Variants in ENTPD5 observed in about 807,000 individuals in gnomAD.
ENTPD5 encodes the protein nucleoside diphosphate phosphatase ENTPD5.
A neutral mutation model predicts 60.2 loss-of-function variants in ENTPD5; 49 were observed. That is an observed-to-expected ratio of 0.81 (90% CI 0.65 to 1.03). The LOEUF (loss-of-function observed/expected upper bound fraction) is 1.03, where lower values mean the gene tolerates loss of function less well. ENTPD5 is among the 50% of genes least tolerant of loss of function. The pLI, the probability that ENTPD5 is intolerant of heterozygous loss-of-function variation, is 0.00. For synonymous variants in ENTPD5, 187 were observed against 185.4 expected, an observed-to-expected ratio of 1.01 and a Z score of -0.07; for missense variants, 480 against 507.6, an observed-to-expected ratio of 0.95 and a Z score of 0.52.
At chr14:73,994,289 C>T (rs1329433210) in intron 3 of ENTPD5, among the ~76,000 whole-genome samples, 1 of 151,928 alleles carries the variant, frequency 6.6e-6, no homozygotes, top group African/African-American at 2.4e-5. Context: ...CCACACCTGG[C>T]TAATTTTTTG....
At chr14:73,993,127 A>G (rs2140703092) in intron 3 of ENTPD5, among the ~76,000 whole-genome samples, 1 of 152,308 alleles carries the variant, frequency 6.6e-6, no homozygotes, top group African/African-American at 2.4e-5. Context: ...GTTTGAGGTC[A>G]GGAGTTCGAG....
chr14:73,998,251 A>C (rs1033494889), intron 3 of ENTPD5, among the ~76,000 whole-genome samples: 7 of 152,132 alleles, frequency 4.6e-5, no homozygotes, highest in Non-Finnish European at 8.8e-5. Flanking sequence ...GTACAAAGAA[A>C]GCAATTATGT....
downstream of ENTPD5, chr14:73,962,009 A>G: frequency 7.7e-7 from 1 of 1,295,594 alleles, no homozygotes; most frequent in Non-Finnish European, 1.1e-6. Flanking sequence ...GTGCAGTGGC[A>G]CAATTTCCAC....
chr14:73,974,837 T>C (rs574748750), intron 11 of ENTPD5, 87 bp downstream of exon 11: 171 of 1,076,720 alleles, frequency 1.6e-4, no homozygotes, highest in Non-Finnish European at 2.2e-4. Context: ...TTTTCCTTCA[T>C]AGAATGGCTA....
intron 3 of ENTPD5, among the ~76,000 whole-genome samples, chr14:74,003,860 G>A (rs1289140805): frequency 6.6e-6 from 1 of 152,200 alleles, no homozygotes; most frequent in Non-Finnish European, 1.5e-5. Context: ...CACTTGGGAG[G>A]CTAAGGCAGG....
At chr14:74,018,085 G>C (rs897879353) in intron 1 of ENTPD5, among the ~76,000 whole-genome samples, 1 of 151,988 alleles carries the variant, frequency 6.6e-6, no homozygotes, top group Non-Finnish European at 1.5e-5. Context: ...GGGAGGCTGA[G>C]GCAGGAGAAT....
intron 3 of ENTPD5, among the ~76,000 whole-genome samples, chr14:73,999,700 G>A (rs2058447154): frequency 6.6e-6 from 1 of 152,122 alleles, no homozygotes. Flanking sequence ...GGTGAGGCAG[G>A]AGAATTGCTT....
At chr14:74,018,725 G>A (rs987229755) in intron 1 of ENTPD5, 1 of 152,234 alleles carries the variant, frequency 6.6e-6, no homozygotes, top group Non-Finnish European at 1.5e-5. Flanking sequence ...CGACCTCGGT[G>A]GCAGCACTCC....
downstream of ENTPD5, chr14:73,955,577 C>T (rs773822927): frequency 2.0e-6 from 3 of 1,488,500 alleles, no homozygotes; most frequent in East Asian, 4.5e-5. Context: ...AGTCCACTTT[C>T]TCCAAGTGTT....
chr14:73,977,196 C>T (rs1432592236), intron 7 of ENTPD5, 103 bp downstream of exon 7: 2 of 1,222,966 alleles, frequency 1.6e-6, no homozygotes, highest in Middle Eastern at 1.9e-4. Context: ...CTATTTCCTG[C>T]TATCTCATTC....
At chr14:74,010,099 A>AT (rs567332766) in intron 3 of ENTPD5, among the ~76,000 whole-genome samples, 54 of 152,040 alleles carry the variant, frequency 3.6e-4, no homozygotes, top group African/African-American at 1.3e-3. Context: ...CGTGTTTTCA[A>AT]TTTTTTTATA....
chr14:73,969,314 T>G (rs2057117820), intron 15 of ENTPD5, among the ~76,000 whole-genome samples: 1 of 152,214 alleles, frequency 6.6e-6, no homozygotes, highest in Admixed American at 6.5e-5. Context: ...AGTGTGGCAC[T>G]TGCATCCTGC....
downstream of ENTPD5, chr14:73,956,311 G>C (rs2056436122): frequency 1.1e-5 from 2 of 178,820 alleles, no homozygotes; most frequent in African/African-American, 4.9e-5. Context: ...CTGGGCGACA[G>C]AGCAAGACTC....
chr14:73,958,309 T>C, downstream of ENTPD5: 1 of 1,613,322 alleles, frequency 6.2e-7, no homozygotes, highest in Non-Finnish European at 8.5e-7. Flanking sequence ...GCTAGGGGTC[T>C]TGTATATCTA....
chr14:73,986,802 T>A lies in ENTPD5; in HGVS notation c.297+12A>T. The stretch of plus-strand genomic sequence containing the variant: ...CATTGAGAATCTAAACATCAAATCA[T>A]AAGAAACTCACCTGCTTAGGTTGAT... On this transcript the variant is annotated intron_variant, in intron 5 of 15. Transcript: ENST00000334696. 1.2e-6 allele frequency: 2 copies of A among 1,605,778 alleles called. No homozygotes were observed. Among genetic ancestry groups the A allele is most frequent in the African/African-American group, 2.7e-5 (2 of 74,804 alleles).
downstream of ENTPD5, chr14:73,959,731 A>G (rs1166554535): frequency 1.7e-6 from 2 of 1,155,508 alleles, no homozygotes; most frequent in South Asian, 1.6e-5. Flanking sequence ...CACCATGCCC[A>G]GCTAATTTTT....
chr14:73,980,455 G>A (rs1330306819), intron 6 of ENTPD5, among the ~76,000 whole-genome samples: 1 of 151,342 alleles, frequency 6.6e-6, no homozygotes. Flanking sequence ...GTAGAGACGG[G>A]GTTTCACCAT....
chr14:73,958,756 A>C (rs1297691180), downstream of ENTPD5: 15 of 1,456,086 alleles, frequency 1.0e-5, no homozygotes, highest in Non-Finnish European at 1.2e-5. Flanking sequence ...CATGGCTGGC[A>C]CCTGTTCAGT....
At chr14:74,017,281 G>C (rs960507534) in intron 1 of ENTPD5, among the ~76,000 whole-genome samples, 3 of 150,334 alleles carry the variant, frequency 2.0e-5, no homozygotes, top group Non-Finnish European at 4.4e-5. Flanking sequence ...TCGTGCTATT[G>C]CACTCCAGCC....
Sources: gnomAD v4.1 joint callset for allele counts (sites outside exome capture counted in the v4.1 genomes callset) on GRCh38, gnomAD v4.1.1 for gene constraint, MANE v1.5 for transcripts, NCBI Gene and HGNC (gene_info 2026-07-23, HGNC 2026-07-21) for gene names.